The following PPP4R3B variants were observed in gnomAD, a reference collection of about 807,000 sequenced individuals.
PPP4R3B encodes the protein serine/threonine-protein phosphatase 4 regulatory subunit 3B.
In PPP4R3B, 52 loss-of-function variants were observed where a neutral mutation model predicts 95.4. That is an observed-to-expected ratio of 0.54 (90% CI 0.44 to 0.69). PPP4R3B has a LOEUF of 0.69. Among genes scored for constraint, PPP4R3B ranks in the 30% least tolerant of loss-of-function variants. The pLI is 0.00. For missense variants in PPP4R3B, 1,003 were observed against 1,005.9 expected (o/e 1.00, Z 0.04); for synonymous variants, 407 against 343.9 (o/e 1.18, Z -2.03).
At chr2:55,616,263 G>GC (rs1170863066) in intron 1 of PPP4R3B, among the ~76,000 whole-genome samples, 1 of 152,108 alleles carries the variant, frequency 6.6e-6, no homozygotes, top group Non-Finnish European at 1.5e-5. Flanking sequence ...TTACAGTGCT[G>GC]CATTTATCCT....
intron 2 of PPP4R3B, among the ~76,000 whole-genome samples, chr2:55,607,715 A>T (rs1693613624): frequency 6.6e-6 from 1 of 151,902 alleles, no homozygotes; most frequent in Admixed American, 6.6e-5. Flanking sequence ...TGATTAATAA[A>T]CCCTCAGCCC....
intron 12 of PPP4R3B, among the ~76,000 whole-genome samples, chr2:55,568,991 G>A (rs1687642092): frequency 6.6e-6 from 1 of 152,078 alleles, no homozygotes; most frequent in Admixed American, 6.6e-5. Flanking sequence ...TATAAAATAA[G>A]AATAGTTATA....
chr2:55,613,186 A>G (rs1315880867), intron 2 of PPP4R3B, among the ~76,000 whole-genome samples: 1 of 152,172 alleles, frequency 6.6e-6, no homozygotes, highest in East Asian at 1.9e-4. Context: ...AAAGAAACTA[A>G]GTTTAACATA....
intron 7 of PPP4R3B, among the ~76,000 whole-genome samples, chr2:55,582,686 G>A (rs1424250949): frequency 2.0e-5 from 3 of 152,116 alleles, no homozygotes; most frequent in African/African-American, 4.8e-5. Context: ...ATTAGCATCT[G>A]CATATCTTAG....
chr2:55,552,412 T>A (rs1201071394), intron 16 of PPP4R3B, among the ~76,000 whole-genome samples: 1 of 152,174 alleles, frequency 6.6e-6, no homozygotes, highest in Admixed American at 6.5e-5. Context: ...TATATATATT[T>A]TTTAAGAGTC....
At chr2:55,611,395 C>A (rs1192562188) in intron 2 of PPP4R3B, among the ~76,000 whole-genome samples, 1 of 152,144 alleles carries the variant, frequency 6.6e-6, no homozygotes, top group South Asian at 2.1e-4. Flanking sequence ...TTCTGTCACA[C>A]CTATCAGGTA....
intron 11 of PPP4R3B, among the ~76,000 whole-genome samples, chr2:55,576,798 A>G (rs1688742077): frequency 6.6e-6 from 1 of 152,248 alleles, no homozygotes; most frequent in Non-Finnish European, 1.5e-5. Context: ...GTATCTCTAA[A>G]TAGTCCAATC....
chr2:55,585,005 C>T, intron 7 of PPP4R3B, 46 bp downstream of exon 7: 1 of 1,319,078 alleles, frequency 7.6e-7, no homozygotes, highest in Non-Finnish European at 1.1e-6. Context: ...GCAAACACTA[C>T]TCACTCTACA....
chr2:55,583,392 T>A (rs1401644535), intron 7 of PPP4R3B, among the ~76,000 whole-genome samples: 1 of 152,034 alleles, frequency 6.6e-6, no homozygotes. Context: ...TGAGAAAGGA[T>A]CTTTTCACAG....
In PPP4R3B at chr2:55,598,833, AT is replaced by A; in HGVS notation, c.503del (p.Asn168MetfsTer18). 1 of 1,614,166 alleles carries A rather than the reference AT, an allele frequency of 6.2e-7. No individual in the cohort carries two copies. Among genetic ancestry groups the A allele is most frequent in the South Asian group, 1.1e-5 (1 of 91,088 alleles). ...RREKLALALE[N>X]EGYIKKLLQL... ...GCAATAGTTTTTTAATATAGCCTTC[AT>A]TTTCCAAGGCGAGAGCCAGCTTTTC... On this transcript the variant is annotated frameshift_variant, in exon 4 of 17. Transcript: ENST00000616407. LOFTEE classifies it high-confidence loss of function.
intron 12 of PPP4R3B, among the ~76,000 whole-genome samples, chr2:55,568,836 T>C (rs1054732173): frequency 6.6e-6 from 1 of 152,146 alleles, no homozygotes; most frequent in East Asian, 1.9e-4. Context: ...TGAGCTAAGA[T>C]TGCCTTGCCT....
At chr2:55,586,331 ATATTTTACTGGCTTC>A (rs1690138773) in intron 6 of PPP4R3B, among the ~76,000 whole-genome samples, 1 of 152,188 alleles carries the variant, frequency 6.6e-6, no homozygotes, top group Admixed American at 6.5e-5. Context: ...AAAACAAAAG[ATATTTTACTGGCTTC>A]TATGAAACAC....
intron 4 of PPP4R3B, among the ~76,000 whole-genome samples, chr2:55,592,268 G>A (rs1691137699): frequency 6.6e-6 from 1 of 152,098 alleles, no homozygotes; most frequent in Non-Finnish European, 1.5e-5. Flanking sequence ...CCTTTCTGAG[G>A]GTAGCTAGTG....
Position 55,598,976 on chromosome 2 carries a change from GTTC to G in PPP4R3B, c.358_360del (p.Glu120del), listed in dbSNP as rs779049336. 4.4e-5 allele frequency: 71 copies of G among 1,613,910 alleles called. No individual in the cohort carries two copies. The highest frequency in any genetic ancestry group is 1.5e-4 in the African/African-American group (11 of 74,912). On this transcript the variant is annotated inframe_deletion, in exon 4 of 17. Coordinates refer to ENST00000616407, the MANE Select transcript of PPP4R3B (RefSeq NM_001122964.3). Reference sequence around the variant, plus strand: ...CTAGTTTCAGGCATTTCTTCAAATCGTTCTTCTTCAGATTCATCAATGAGGTCC... The same window carrying G: ...CTAGTTTCAGGCATTTCTTCAAATCGTTCTTCAGATTCATCAATGAGGTCC...
chr2:55,604,099 A>G (rs1171143879), intron 2 of PPP4R3B, 23 bp from the exon 3 acceptor site: 3 of 1,548,396 alleles, frequency 1.9e-6, no homozygotes, highest in Admixed American at 1.8e-5. Context: ...AAATATTTCC[A>G]TATCATCACA....
At chr2:55,577,973 G>C (rs1688918470) in intron 10 of PPP4R3B, among the ~76,000 whole-genome samples, 1 of 152,056 alleles carries the variant, frequency 6.6e-6, no homozygotes, top group African/African-American at 2.4e-5. Flanking sequence ...GCACATTAGA[G>C]GCAGAATGGC....
At position 55,577,363 on chromosome 2, in the gene PPP4R3B, A is replaced by C. The variant is rs1191077572; in HGVS notation, c.1565-7T>G. On this transcript the variant is annotated splice_polypyrimidine_tract_variant and splice_region_variant and intron_variant, in intron 10 of 16. Transcript: ENST00000616407. ...TTTGATCCAACTATATTATCTAATAAAAAAATTAAAAATTAAAATAAAATA... is the reference window on the plus strand; with the variant it reads ...TTTGATCCAACTATATTATCTAATACAAAAATTAAAAATTAAAATAAAATA... The C allele has an allele frequency of 6.8e-7, 1 of 1,474,590 alleles. No homozygotes were observed. The highest frequency in any genetic ancestry group is 1.4e-5 in the South Asian group (1 of 69,876). 91.3% of individuals were successfully genotyped at this position (1,474,590 alleles called of 1,614,324 possible). A position where few individuals can be genotyped will look rare whatever the true frequency, so the allele number is the denominator to read the frequency against.
chr2:55,608,129 T>C (rs955864856), intron 2 of PPP4R3B, among the ~76,000 whole-genome samples: 1 of 152,126 alleles, frequency 6.6e-6, no homozygotes, highest in South Asian at 2.1e-4. Context: ...CTCAGCCTCC[T>C]GAGTAGCTGG....
intron 15 of PPP4R3B, among the ~76,000 whole-genome samples, chr2:55,560,755 C>A (rs1051700371): frequency 4.2e-5 from 5 of 118,158 alleles, no homozygotes; most frequent in Non-Finnish European, 8.0e-5. Context: ...CCAGCCTGGG[C>A]AACAGAGAGA....
Sources: allele counts gnomAD v4.1 joint callset (sites outside exome capture counted in the v4.1 genomes callset), GRCh38; gene constraint gnomAD v4.1.1; transcripts MANE v1.5; gene names NCBI Gene and HGNC (gene_info 2026-07-23, HGNC 2026-07-21).